The following TAMM41 variants were observed in gnomAD, a reference collection of about 807,000 sequenced individuals.
TAMM41 encodes phosphatidate cytidylyltransferase, mitochondrial.
TAMM41 carries 36 observed loss-of-function variants against 44.1 expected under a neutral mutation model. That is an observed-to-expected ratio of 0.82 (90% CI 0.63 to 1.08). The LOEUF (loss-of-function observed/expected upper bound fraction) is 1.08. Ranked by LOEUF, TAMM41 falls within the 50% of genes least tolerant of loss-of-function variation. The pLI, the probability that TAMM41 is intolerant of heterozygous loss-of-function variation, is 0.00. For missense variants in TAMM41, 417 were observed against 404.3 expected (o/e 1.03, Z -0.27); for synonymous variants, 164 against 153.1 (o/e 1.07, Z -0.53).
chr3:11,826,510 C>G (rs887909255), intron 4 of TAMM41, among the ~76,000 whole-genome samples: 1 of 107,524 alleles, frequency 9.3e-6, no homozygotes, highest in East Asian at 2.9e-4. Flanking sequence ...GCTTGGGCGA[C>G]AGAGTGAGAC....
intron 3 of TAMM41, among the ~76,000 whole-genome samples, chr3:11,832,353 T>C (rs2125039723): frequency 6.6e-6 from 1 of 152,066 alleles, no homozygotes; most frequent in Admixed American, 6.5e-5. Flanking sequence ...ATTACTACGT[T>C]GAAGGCAGGC....
the TAMM41 span, among the ~76,000 whole-genome samples, chr3:11,765,132 C>T: frequency 6.6e-6 from 1 of 152,170 alleles, no homozygotes. Flanking sequence ...TCTCTTCCTC[C>T]TGTTTTTCCT....
At chr3:11,842,393 TCAA>T (rs772826231) in intron 2 of TAMM41, among the ~76,000 whole-genome samples, 1 of 18,028 alleles carries the variant, frequency 5.5e-5, no homozygotes, top group Admixed American at 7.2e-4. Context: ...AAACTCCATC[TCAA>T]AAAAAAAAAA....
At chr3:11,842,324 G>T (rs1260814341) in intron 2 of TAMM41, among the ~76,000 whole-genome samples, 1 of 150,852 alleles carries the variant, frequency 6.6e-6, no homozygotes, top group East Asian at 1.9e-4. Flanking sequence ...AACCTGGGAG[G>T]CGGAGGTTGC....
At chr3:11,807,764 A>G in intron 7 of TAMM41, 69 bp downstream of exon 7, 1 of 1,536,130 alleles carries the variant, frequency 6.5e-7, no homozygotes, top group Non-Finnish European at 8.7e-7. Flanking sequence ...AAAGCTTTAC[A>G]CTGTAACCAA....
the TAMM41 span, among the ~76,000 whole-genome samples, chr3:11,732,776 C>T: frequency 1.3e-5 from 2 of 151,918 alleles, no homozygotes; most frequent in African/African-American, 4.8e-5. Context: ...GAAAGAATAG[C>T]AAGCACAAAG....
chr3:11,775,667 C>T, the TAMM41 span, among the ~76,000 whole-genome samples: 3 of 152,152 alleles, frequency 2.0e-5, no homozygotes, highest in Admixed American at 6.6e-5. Context: ...TAACCGTTTG[C>T]GCAGCATTAT....
the TAMM41 span, among the ~76,000 whole-genome samples, chr3:11,771,622 G>A: frequency 6.6e-6 from 1 of 151,842 alleles, no homozygotes; most frequent in African/African-American, 2.4e-5. Context: ...GCTCTTTGTT[G>A]CCCAGGCTGG....
At chr3:11,806,526 A>T (rs1366569503) in intron 7 of TAMM41, among the ~76,000 whole-genome samples, 1 of 152,210 alleles carries the variant, frequency 6.6e-6, no homozygotes, top group Non-Finnish European at 1.5e-5. Context: ...AAAGTTGAGA[A>T]ATTCGAGAAA....
At chr3:11,801,762 A>G (rs1007533904) in intron 7 of TAMM41, among the ~76,000 whole-genome samples, 5 of 152,236 alleles carry the variant, frequency 3.3e-5, no homozygotes, top group African/African-American at 1.2e-4. Flanking sequence ...GAAGATCACA[A>G]ATTAACAACC....
chr3:11,791,639 G>T (rs1185432400), intron 7 of TAMM41, among the ~76,000 whole-genome samples: 1 of 152,178 alleles, frequency 6.6e-6, no homozygotes, highest in East Asian at 1.9e-4. Flanking sequence ...GTTTCGCTCT[G>T]GACATGCCTA....
intron 4 of TAMM41, among the ~76,000 whole-genome samples, chr3:11,818,918 T>C (rs1349168798): frequency 1.3e-5 from 2 of 151,298 alleles, no homozygotes; most frequent in African/African-American, 4.9e-5. Context: ...AAAAAAGACT[T>C]CTAAAGAGCC....
rs1407411199 is a variant in TAMM41 at position 11,817,442 on chromosome 3, A to G, written c.563-105T>C. 4.2e-6 allele frequency: 5 copies of G among 1,187,240 alleles called. No individual in the cohort carries two copies. In the Admixed American group the frequency reaches 1.1e-4, roughly 26 times the overall value. The allele number at this position is 1,187,240 out of a possible 1,614,324, so 73.5% of individuals were successfully genotyped here. On this transcript the variant is annotated intron_variant, in intron 4 of 7. Coordinates refer to ENST00000455809, the MANE Select transcript of TAMM41 (RefSeq NM_001284401.2). ...TACCGCACGGGTTCACTCTGGCAGG[A>G]TCCCTCATCAGAACACTTGCTTTTC...
chr3:11,792,885 C>T (rs957169611), intron 7 of TAMM41, among the ~76,000 whole-genome samples: 1 of 151,880 alleles, frequency 6.6e-6, no homozygotes, highest in Non-Finnish European at 1.5e-5. Flanking sequence ...CATGGTGAAA[C>T]CCCGTCTCTA....
chr3:11,750,454 G>A, the TAMM41 span, among the ~76,000 whole-genome samples: 13 of 152,100 alleles, frequency 8.5e-5, no homozygotes, highest in South Asian at 1.5e-3. Context: ...GACTACAGGC[G>A]CATACCACCA....
intron 4 of TAMM41, among the ~76,000 whole-genome samples, chr3:11,823,081 A>T (rs2078589707): frequency 6.6e-6 from 1 of 152,144 alleles, no homozygotes; most frequent in East Asian, 1.9e-4. Flanking sequence ...GCAGGTATAG[A>T]ATGGCGTCTC....
intron 4 of TAMM41, among the ~76,000 whole-genome samples, chr3:11,825,363 G>T (rs545462732): frequency 6.6e-6 from 1 of 152,074 alleles, no homozygotes. Flanking sequence ...CCTGAGTTCC[G>T]GCTGAGGCAC....
the TAMM41 span, among the ~76,000 whole-genome samples, chr3:11,731,386 T>C: frequency 2.0e-5 from 3 of 152,184 alleles, no homozygotes; most frequent in South Asian, 4.2e-4. Context: ...TCCCAGCTAC[T>C]TGGGAGGCTG....
intron 1 of TAMM41, among the ~76,000 whole-genome samples, chr3:11,845,659 GAA>G (rs1030292359): frequency 1.3e-5 from 2 of 152,174 alleles, no homozygotes; most frequent in African/African-American, 4.8e-5. Flanking sequence ...GTGTAAGTGG[GAA>G]ACAGAGGAAA....
Sources: gnomAD v4.1 joint callset for allele counts (sites outside exome capture counted in the v4.1 genomes callset) on GRCh38, gnomAD v4.1.1 for gene constraint, MANE v1.5 for transcripts, NCBI Gene and HGNC (gene_info 2026-07-23, HGNC 2026-07-21) for gene names.